SLC12A7: variants seen among roughly 807,000 people sequenced by gnomAD.
SLC12A7 encodes K-Cl cotransporter 4.
SLC12A7 carries 100 observed loss-of-function variants against 120.6 expected under a neutral mutation model. The observed-to-expected ratio is 0.83, with a 90% CI of 0.71 to 0.98. The LOEUF is 0.98. Ranked by LOEUF, SLC12A7 falls within the 50% of genes least tolerant of loss-of-function variation. The pLI, the probability that SLC12A7 is intolerant of heterozygous loss-of-function variation, is 0.00. For missense variants in SLC12A7, 1,373 were observed against 1,548.1 expected (o/e 0.89, Z 1.90); for synonymous variants, 760 against 678.0 (o/e 1.12, Z -1.88).
chr5:1,088,831 T>G (rs1233161574), intron 4 of SLC12A7, 151 bp downstream of exon 4: 1 of 968,906 alleles, frequency 1.0e-6, no homozygotes, highest in Admixed American at 2.2e-5. Flanking sequence ...GAACGACGTC[T>G]ACACGGGCGT....
intron 1 of SLC12A7, among the ~76,000 whole-genome samples, chr5:1,099,434 C>G (rs1741766196): frequency 7.0e-6 from 1 of 142,256 alleles, no homozygotes; most frequent in South Asian, 2.1e-4. Flanking sequence ...GGACATCAAC[C>G]CAGCCCCGAC....
chr5:1,064,856 C>CGAGGAGAT (rs1736796623), intron 18 of SLC12A7, among the ~76,000 whole-genome samples: 1 of 75,124 alleles, frequency 1.3e-5, no homozygotes, highest in Non-Finnish European at 2.9e-5. Context: ...GGCGAGGAGA[C>CGAGGAGAT]GGCGAGGGGA....
intron 11 of SLC12A7, chr5:1,078,491 G>A: frequency 1.6e-6 from 1 of 615,066 alleles, no homozygotes; most frequent in South Asian, 2.0e-5. Context: ...TCAGGGCTTG[G>A]AGTTGGCTCT....
At chr5:1,084,623 A>G (rs1561077624) in intron 7 of SLC12A7, among the ~76,000 whole-genome samples, 1 of 152,182 alleles carries the variant, frequency 6.6e-6, no homozygotes. Flanking sequence ...GTGCTTCCCT[A>G]AAACGGGCTT....
At chr5:1,081,327 C>A (rs534816539) in intron 9 of SLC12A7, among the ~76,000 whole-genome samples, 53 of 152,096 alleles carry the variant, frequency 3.5e-4, no homozygotes, top group African/African-American at 1.2e-3. Flanking sequence ...GGCGTGGTAC[C>A]GTGTGCCTGG....
At chr5:1,098,059 T>C (rs200756746) in intron 1 of SLC12A7, among the ~76,000 whole-genome samples, 17 of 149,972 alleles carry the variant, frequency 1.1e-4, no homozygotes, top group African/African-American at 4.2e-4. Context: ...TCCAATGCCC[T>C]CTCTAACCTT....
rs1554020788 is a variant in SLC12A7, at chr5:1,093,498, C to CGGGGACTGGGCGGGGACTGGGT, written c.342+34_342+35insACCCAGTCCCCGCCCAGTCCCC. On this transcript the variant is annotated intron_variant, in intron 3 of 23. Coordinates refer to ENST00000264930, the MANE Select transcript of SLC12A7 (RefSeq NM_006598.3). ...TCTAACCCTGCCGGGACACACGGGG[C>CGGGGACTGGGCGGGGACTGGGT]GGGGACTGGGCGGGCACGGGCAGGG... The CGGGGACTGGGCGGGGACTGGGT allele has an allele frequency of 3.3e-5, 43 of 1,290,154 alleles. No individual in the cohort carries two copies. The African/African-American group carries it at 5.6e-4, about 17-fold the overall frequency. The allele number at this position is 1,290,154 out of a possible 1,614,324, so 79.9% of individuals were successfully genotyped here. A position where few individuals can be genotyped will look rare whatever the true frequency, so the allele number is the denominator to read the frequency against.
Position 1,109,360 on chromosome 5 carries a change from G to A in SLC12A7, c.124+2508C>T, listed in dbSNP as rs543786759. On this transcript the variant is annotated intron_variant, in intron 1 of 23. Coordinates refer to ENST00000264930, the MANE Select transcript of SLC12A7 (RefSeq NM_006598.3). ...CCCTGAAGTCGGACGAGACGCAGCC[G>A]GCCCCCAGCAGTGTCCTCCCACCTC... 2.0e-5 allele frequency among the ~76,000 whole-genome samples: 3 copies of A among 152,210 alleles called. No individual in the cohort carries two copies. The East Asian group carries it at 5.8e-4, about 29-fold the overall frequency.
At chr5:1,130,619 G>GCGGCTGCCCACGCGTGTCCCC in the SLC12A7 span, among the ~76,000 whole-genome samples, 1 of 150,606 alleles carries the variant, frequency 6.6e-6, no homozygotes, top group Non-Finnish European at 1.5e-5. Flanking sequence ...CTTAGCCAGG[G>GCGGCTGCCCACGCGTGTCCCC]TGGGGGCAGC....
chr5:1,075,621 C>T, intron 14 of SLC12A7, 131 bp from the exon 15 acceptor site: 3 of 1,362,702 alleles, frequency 2.2e-6, no homozygotes, highest in South Asian at 3.0e-5. Flanking sequence ...TCACTGACGC[C>T]TGACGACCAT....
Position 1,077,702 on chromosome 5 carries a change from G to A in SLC12A7, c.1629+131C>T, listed in dbSNP as rs1490824377. On this transcript the variant is annotated intron_variant, in intron 12 of 23. Coordinates refer to ENST00000264930, the MANE Select transcript of SLC12A7 (RefSeq NM_006598.3). Reference sequence around the variant, plus strand: ...TCCCATGCTCTGTGCAGTGGCCAGGGGCAGAATGACCACCATGGGGTCCAA... The same window carrying A: ...TCCCATGCTCTGTGCAGTGGCCAGGAGCAGAATGACCACCATGGGGTCCAA... 2.9e-4 allele frequency: 281 copies of A among 957,788 alleles called. 4 individuals carry two copies. The Admixed American group carries it at 8.5e-3, about 29-fold the overall frequency. 59.3% of individuals were successfully genotyped at this position (957,788 alleles called of 1,614,324 possible).
At chr5:1,143,022 G>A in the SLC12A7 span, among the ~76,000 whole-genome samples, 1 of 151,708 alleles carries the variant, frequency 6.6e-6, no homozygotes. Context: ...AAGAAGGCTT[G>A]TTCCCGTGCC....
At chr5:1,103,650 TAC>T (rs1436831874) in intron 1 of SLC12A7, among the ~76,000 whole-genome samples, 1 of 152,070 alleles carries the variant, frequency 6.6e-6, no homozygotes, top group Non-Finnish European at 1.5e-5. Context: ...CACCCGCACA[TAC>T]ACGTGTACAC....
chr5:1,061,395 T>TGCGGG (rs1736242288), intron 20 of SLC12A7, among the ~76,000 whole-genome samples: 1 of 48,944 alleles, frequency 2.0e-5, no homozygotes, highest in African/African-American at 1.1e-4. Context: ...GCACCCGCCG[T>TGCGGG]ACCTGCCGCA....
the SLC12A7 span, among the ~76,000 whole-genome samples, chr5:1,141,979 G>T: frequency 1.3e-5 from 2 of 152,190 alleles, no homozygotes; most frequent in Admixed American, 6.5e-5. Flanking sequence ...TGTGGCTGTT[G>T]CTTAGAGATA....
In SLC12A7 at chr5:1,057,327, G is replaced by A. The variant is rs997369802; in HGVS notation, c.3026+144C>T. ...AAAAGGACCCCTCAGTGCCCACTCA[G>A]GCGGCTCCCTGTTCTCTAACGGGCC... is the stretch of plus-strand genomic sequence containing the variant. On this transcript the variant is annotated intron_variant, in intron 22 of 23. Coordinates refer to ENST00000264930, the MANE Select transcript of SLC12A7 (RefSeq NM_006598.3). 7 of 835,632 alleles carry A rather than the reference G, an allele frequency of 8.4e-6. No homozygotes were observed. The African/African-American group carries it at 1.2e-4, about 14-fold the overall frequency. The allele number at this position is 835,632 out of a possible 1,614,324, so 51.8% of individuals were successfully genotyped here.
chr5:1,088,814 C>T (rs1740170702), intron 4 of SLC12A7, among the ~76,000 whole-genome samples, 168 bp downstream of exon 4: 4 of 152,196 alleles, frequency 2.6e-5, no homozygotes, highest in Admixed American at 1.3e-4. Context: ...GTGGAGGAGA[C>T]GGCGCTGAAC....
intron 1 of SLC12A7, among the ~76,000 whole-genome samples, chr5:1,103,963 C>T (rs907156182): frequency 7.9e-5 from 12 of 152,342 alleles, no homozygotes; most frequent in Admixed American, 2.6e-4. Flanking sequence ...CCCAGGCAGC[C>T]TGCAGGAGCA....
chr5:1,065,219 GGGACACTGAGA>G (rs1736906471), intron 18 of SLC12A7, 53 bp downstream of exon 18: 21 of 1,205,312 alleles, frequency 1.7e-5, no homozygotes, highest in Non-Finnish European at 2.5e-5. Flanking sequence ...GGACAGCGAG[GGGACACTGAGA>G]GGACACAGAG....
Sources: allele counts gnomAD v4.1 joint callset (sites outside exome capture counted in the v4.1 genomes callset), GRCh38; gene constraint gnomAD v4.1.1; transcripts MANE v1.5; gene names NCBI Gene and HGNC (gene_info 2026-07-23, HGNC 2026-07-21).